The following CEP89 variants were observed in gnomAD, a reference collection of about 807,000 sequenced individuals.
CEP89 encodes centrosomal protein 89.
CEP89 carries 95 observed loss-of-function variants against 97.6 expected under a neutral mutation model. The observed-to-expected ratio is 0.97, with a 90% CI of 0.82 to 1.15. The LOEUF is 1.15. Ranked by LOEUF, CEP89 falls within the 50% of genes most tolerant of loss-of-function variation. The pLI, the probability that CEP89 is intolerant of heterozygous loss-of-function variation, is 0.00. For synonymous variants in CEP89, 354 were observed against 349.1 expected (o/e 1.01, Z -0.16); for missense variants, 869 against 947.7 (o/e 0.92, Z 1.09).
chr19:32,914,897 C>T (rs1190846829), intron 14 of CEP89, among the ~76,000 whole-genome samples: 3 of 151,972 alleles, frequency 2.0e-5, no homozygotes, highest in South Asian at 4.2e-4. Context: ...TGAGCCGCCC[C>T]TGTAATCCCA....
chr19:32,933,784 C>A, intron 7 of CEP89, 115 bp from the exon 8 acceptor site: 1 of 720,596 alleles, frequency 1.4e-6, no homozygotes, highest in Admixed American at 2.3e-5. Flanking sequence ...GTTCTTTGGT[C>A]CCTGGGAAGG....
At chr19:32,947,294 A>T (rs191498983) in intron 5 of CEP89, among the ~76,000 whole-genome samples, 3 of 152,160 alleles carry the variant, frequency 2.0e-5, no homozygotes, top group Admixed American at 6.5e-5. Flanking sequence ...GTACTCATTC[A>T]CCCAACAGAT....
At position 32,887,780 on chromosome 19, in the gene CEP89, C is replaced by A. The variant is rs536181102; in HGVS notation, c.1937G>T (p.Arg646Leu). ...VLNKVIKSNIRLGKLEEKVKG... is the reference protein window; with the variant it reads ...VLNKVIKSNILLGKLEEKVKG... ...GACTTTTTCCTCTAACTTTCCCAGGCGAATGTTGCTTTTTATGACTTTATT... is the reference window on the plus strand; with the variant it reads ...GACTTTTTCCTCTAACTTTCCCAGGAGAATGTTGCTTTTTATGACTTTATT... The change falls in exon 17 of 19, where the codon CGC (arginine) becomes CTC (leucine). Residue 646 changes from arginine (R) to leucine (L), a missense_variant. By Grantham distance (102) the Arg-to-Leu change is moderately radical (BLOSUM62 -2). Transcript: ENST00000305768. 8 of 1,612,970 alleles carry A rather than the reference C, an allele frequency of 5.0e-6. No individual in the cohort carries two copies. The highest frequency in any genetic ancestry group is 5.9e-6 in the Non-Finnish European group (7 of 1,179,084).
At chr19:32,927,866 C>G (rs1313293107) in intron 9 of CEP89, among the ~76,000 whole-genome samples, 1 of 148,734 alleles carries the variant, frequency 6.7e-6, no homozygotes, top group East Asian at 2.0e-4. Context: ...CAGCTTCACA[C>G]AGTGCTGGGA....
At chr19:32,922,930 C>T (rs1386155404) in intron 12 of CEP89, among the ~76,000 whole-genome samples, 1 of 151,822 alleles carries the variant, frequency 6.6e-6, no homozygotes, top group East Asian at 1.9e-4. Flanking sequence ...AGTGCCATTA[C>T]AGTAGGACCC....
intron 4 of CEP89, among the ~76,000 whole-genome samples, chr19:32,949,930 C>G (rs905879459): frequency 6.6e-6 from 1 of 152,036 alleles, no homozygotes; most frequent in African/African-American, 2.4e-5. Context: ...TCTCTGTGGA[C>G]ATGGTTCCAA....
At position 32,882,045 on chromosome 19, in the gene CEP89, G is replaced by T. The variant is rs1013382081; in HGVS notation, c.1966-32C>A. 22 of 1,541,466 alleles carry T rather than the reference G, an allele frequency of 1.4e-5. No individual in the cohort carries two copies. The Admixed American group carries it at 3.7e-4, about 26-fold the overall frequency. On this transcript the variant is annotated intron_variant, in intron 17 of 18. Coordinates refer to ENST00000305768, the MANE Select transcript of CEP89 (RefSeq NM_032816.5). ...GGGGGAAGGACTCTGTGAATGAGGG[G>T]ACGCTGCCAGGCCAGGGTGGACAGT...
At chr19:32,955,587 C>G (rs1214380795) in intron 3 of CEP89, among the ~76,000 whole-genome samples, 1 of 152,012 alleles carries the variant, frequency 6.6e-6, no homozygotes, top group Non-Finnish European at 1.5e-5. Context: ...GATCTCAGTG[C>G]ACTGCCACCT....
chr19:32,892,435 C>G (rs1195560000), intron 16 of CEP89, among the ~76,000 whole-genome samples: 2 of 151,286 alleles, frequency 1.3e-5, no homozygotes, highest in Non-Finnish European at 2.9e-5. Context: ...CCCAAAGTAG[C>G]TGGGATTACA....
chr19:32,913,520 A>G (rs981025062), intron 14 of CEP89, among the ~76,000 whole-genome samples: 2 of 152,058 alleles, frequency 1.3e-5, no homozygotes, highest in Admixed American at 6.6e-5. Flanking sequence ...TAGAATGATC[A>G]ACTCATTTCA....
Position 32,879,351 on chromosome 19 carries a change from A to G in CEP89, c.2163T>C (p.Ile721=). ...NREMEGELEV[I]WESTFRENRR... ...GGTTTTCCCTGAAGGTAGATTCCCA[A>G]ATAACTTCAAGTTCACCTTCCATTT... The change falls in exon 19 of 19, where the codon ATT becomes ATC. Residue 721 remains isoleucine (I), a synonymous_variant. Coordinates refer to ENST00000305768, the MANE Select transcript of CEP89 (RefSeq NM_032816.5). The G allele has an allele frequency of 6.2e-7, 1 of 1,614,138 alleles. No homozygotes were observed. The highest frequency in any genetic ancestry group is 8.5e-7 in the Non-Finnish European group (1 of 1,179,928).
chr19:32,930,687 G>A (rs562565276), intron 9 of CEP89, among the ~76,000 whole-genome samples: 14 of 152,136 alleles, frequency 9.2e-5, no homozygotes, highest in Middle Eastern at 3.4e-3. Context: ...CCTGAGCATC[G>A]GTTCATCTGG....
intron 14 of CEP89, among the ~76,000 whole-genome samples, chr19:32,913,425 A>G (rs1487664886): frequency 6.6e-6 from 1 of 151,760 alleles, no homozygotes; most frequent in Non-Finnish European, 1.5e-5. Flanking sequence ...GCCAATTACC[A>G]ATTACATACA....
intron 14 of CEP89, among the ~76,000 whole-genome samples, chr19:32,914,867 C>T (rs1442218705): frequency 1.1e-4 from 16 of 151,660 alleles, no homozygotes; most frequent in African/African-American, 3.9e-4. Flanking sequence ...ACCAAAAATA[C>T]AAAAATTAGG....
At chr19:32,887,964 C>T in intron 16 of CEP89, 123 bp from the exon 17 acceptor site, 1 of 653,462 alleles carries the variant, frequency 1.5e-6, no homozygotes, top group South Asian at 1.9e-5. Flanking sequence ...TGTCCTGCCT[C>T]AACCCCTTCC....
At position 32,953,758 on chromosome 19, in the gene CEP89, A is replaced by G. The variant is rs1312123056; in HGVS notation, c.349T>C (p.Ser117Pro). 6.2e-7 allele frequency: 1 copy of G among 1,613,926 alleles called. No individual in the cohort carries two copies. The highest frequency in any genetic ancestry group is 1.7e-5 in the Admixed American group (1 of 59,988). The change falls in exon 4 of 19, where the codon TCC becomes CCC. Residue 117 changes from serine (S) to proline (P), a missense_variant. Physicochemically the swap from Ser to Pro is moderately conservative, Grantham distance 74. Transcript: ENST00000305768. ...SEMGRRSSLP[S>P]FETLDYGDEE... ...TCCCCATAGTCCAGTGTTTCAAAGG[A>G]TGGCAAAGAAGATCTTCTTCCCATC...
chr19:32,901,378 C>T lies in CEP89; in HGVS notation c.1600G>A (p.Glu534Lys). The T allele has an allele frequency of 6.2e-7, 1 of 1,613,724 alleles. No homozygotes were observed. Among genetic ancestry groups the T allele is most frequent in the Non-Finnish European group, 8.5e-7 (1 of 1,179,946 alleles). The change falls in exon 15 of 19, where the codon GAG (glutamate) becomes AAG (lysine). Residue 534 changes from glutamate to lysine, a missense_variant. Transcript: ENST00000305768. ...LQKEEEKERA[E>K]MEELMEKLTV... is the part of the protein sequence containing the mutation. ...AGCTTCTCCATCAACTCCTCCATCTCAGCCCTTTCTTTCTCTTCTTCCTTC... is the reference window on the plus strand; with the variant it reads ...AGCTTCTCCATCAACTCCTCCATCTTAGCCCTTTCTTTCTCTTCTTCCTTC...
chr19:32,895,512 T>C (rs1599717399), intron 16 of CEP89, among the ~76,000 whole-genome samples: 1 of 152,256 alleles, frequency 6.6e-6, no homozygotes, highest in African/African-American at 2.4e-5. Flanking sequence ...GCTAACATCA[T>C]ACCGAGTAGG....
chr19:32,947,135 A>C (rs888748345), intron 5 of CEP89, among the ~76,000 whole-genome samples: 2 of 152,148 alleles, frequency 1.3e-5, no homozygotes, highest in African/African-American at 2.4e-5. Context: ...GCTGCTGATA[A>C]AGTAGTTATT....
Sources: gnomAD v4.1 joint callset for allele counts (sites outside exome capture counted in the v4.1 genomes callset) on GRCh38, gnomAD v4.1.1 for gene constraint, MANE v1.5 for transcripts, NCBI Gene and HGNC (gene_info 2026-07-23, HGNC 2026-07-21) for gene names.